GOSR1: variants seen among roughly 807,000 people sequenced by gnomAD.
The protein encoded by GOSR1 is golgi SNAP receptor complex member 1.
GOSR1 carries 21 observed loss-of-function variants against 35.5 expected under a neutral mutation model. That is an observed-to-expected ratio of 0.59 (90% CI 0.42 to 0.85). The LOEUF is 0.85. Ranked by LOEUF, GOSR1 falls within the 40% of genes least tolerant of loss-of-function variation. The pLI, the probability that GOSR1 is intolerant of heterozygous loss-of-function variation, is 0.00. For synonymous variants in GOSR1, 94 were observed against 106.6 expected (o/e 0.88, Z 0.73); for missense variants, 285 against 309.6 (o/e 0.92, Z 0.60).
intron 7 of GOSR1, among the ~76,000 whole-genome samples, chr17:30,513,708 T>C (rs979738340): frequency 1.3e-5 from 2 of 152,156 alleles, no homozygotes; most frequent in African/African-American, 4.8e-5. Flanking sequence ...CCTAACACTT[T>C]GGGAGGCTGA....
intron 4 of GOSR1, among the ~76,000 whole-genome samples, chr17:30,485,799 A>G (rs1467825467): frequency 6.6e-6 from 1 of 152,228 alleles, no homozygotes; most frequent in Non-Finnish European, 1.5e-5. Context: ...AGGCAGGTGG[A>G]TCACCTGAGG....
intron 6 of GOSR1, among the ~76,000 whole-genome samples, chr17:30,496,650 G>A (rs1317343981): frequency 6.6e-6 from 1 of 152,196 alleles, no homozygotes; most frequent in African/African-American, 2.4e-5. Flanking sequence ...TCCTTGACAT[G>A]CTTGTCTATA....
chr17:30,488,455 CG>C (rs1321981251), intron 4 of GOSR1, among the ~76,000 whole-genome samples: 2 of 151,410 alleles, frequency 1.3e-5, no homozygotes, highest in African/African-American at 4.9e-5. Flanking sequence ...TGAGCCACTG[CG>C]CCCAGCCTAA....
chr17:30,510,962 A>G, intron 7 of GOSR1, 53 bp downstream of exon 7: 2 of 1,047,068 alleles, frequency 1.9e-6, no homozygotes, highest in Non-Finnish European at 3.0e-6. Flanking sequence ...TTGCACGTAA[A>G]TTTAATGAAC....
Position 30,524,316 on chromosome 17 carries a change from C to T in GOSR1, c.*1938C>T, listed in dbSNP as rs971817874. 3.9e-5 allele frequency: 6 copies of T among 152,196 alleles called. No individual in the cohort carries two copies. Among genetic ancestry groups the T allele is most frequent in the Non-Finnish European group, 8.8e-5 (6 of 68,048 alleles). 9.4% of individuals were successfully genotyped at this position (152,196 alleles called of 1,614,324 possible). Reference sequence around the variant, plus strand: ...ATGATCTGTGCTATAGATTTCTACTCTGTCTCCTCAACTCTGTTGATATTT... The same window carrying T: ...ATGATCTGTGCTATAGATTTCTACTTTGTCTCCTCAACTCTGTTGATATTT... On this transcript the variant is annotated 3_prime_UTR_variant, in exon 9 of 9. Transcript: ENST00000451249.
Position 30,525,500 on chromosome 17 carries a change from A to G in GOSR1, c.*3122A>G, listed in dbSNP as rs1324545712. The G allele has an allele frequency of 6.6e-6, 1 of 151,968 alleles. No homozygotes were observed. Among genetic ancestry groups the G allele is most frequent in the Non-Finnish European group, 1.5e-5 (1 of 67,932 alleles). 9.4% of individuals were successfully genotyped at this position (151,968 alleles called of 1,614,324 possible). On this transcript the variant is annotated 3_prime_UTR_variant, in exon 9 of 9. Transcript: ENST00000451249. Reference sequence around the variant, plus strand: ...GAGAACAAAACTTTTCTCCCTTGACACTTTATTATCTTTGATTTTTCAAAG... The same window carrying G: ...GAGAACAAAACTTTTCTCCCTTGACGCTTTATTATCTTTGATTTTTCAAAG...
At chr17:30,497,286 A>AT (rs1169932632) in intron 6 of GOSR1, among the ~76,000 whole-genome samples, 1 of 151,888 alleles carries the variant, frequency 6.6e-6, no homozygotes, top group Non-Finnish European at 1.5e-5. Flanking sequence ...TCTAGGGTTA[A>AT]TTTTTTTTCA....
chr17:30,488,533 A>ATT (rs72485527), intron 4 of GOSR1, among the ~76,000 whole-genome samples: 9 of 131,422 alleles, frequency 6.8e-5, no homozygotes, highest in Admixed American at 7.7e-5. Flanking sequence ...TATTGGCAGT[A>ATT]TTTTTTTTTT....
chr17:30,482,613 G>C (rs571304321), intron 2 of GOSR1, among the ~76,000 whole-genome samples: 13 of 152,268 alleles, frequency 8.5e-5, no homozygotes, highest in Non-Finnish European at 8.8e-5. Flanking sequence ...TCTATCTCCA[G>C]AGCCCACACT....
chr17:30,522,216 C>T (rs1438439241), intron 8 of GOSR1, 38 bp from the exon 9 acceptor site: 1 of 1,555,658 alleles, frequency 6.4e-7, no homozygotes, highest in South Asian at 1.2e-5. Flanking sequence ...GCCAGAGAGG[C>T]TTCTTCCAAA....
intron 4 of GOSR1, among the ~76,000 whole-genome samples, chr17:30,486,631 T>C (rs946027216): frequency 1.3e-5 from 2 of 151,946 alleles, no homozygotes; most frequent in African/African-American, 2.4e-5. Flanking sequence ...GATAAAAAGT[T>C]AGAAACAATT....
At chr17:30,484,601 C>T (rs995095230) in intron 3 of GOSR1, 62 bp from the exon 4 acceptor site, 100 of 890,880 alleles carry the variant, frequency 1.1e-4, no homozygotes, top group Admixed American at 2.0e-4. Context: ...AAATAATTTG[C>T]TTTTAGCTGT....
intron 6 of GOSR1, among the ~76,000 whole-genome samples, chr17:30,510,150 T>C (rs965389234): frequency 6.6e-6 from 1 of 152,138 alleles, no homozygotes; most frequent in African/African-American, 2.4e-5. Flanking sequence ...TTCGGCTCAC[T>C]GCAACCTATG....
chr17:30,517,449 G>A (rs1967863458), intron 7 of GOSR1, among the ~76,000 whole-genome samples: 1 of 152,032 alleles, frequency 6.6e-6, no homozygotes, highest in Non-Finnish European at 1.5e-5. Flanking sequence ...TGCACATTCC[G>A]TAGCTTGCTT....
At chr17:30,491,510 T>C (rs538900778) in intron 5 of GOSR1, among the ~76,000 whole-genome samples, 1 of 152,080 alleles carries the variant, frequency 6.6e-6, no homozygotes, top group African/African-American at 2.4e-5. Context: ...AATAAAAAAA[T>C]TAGCTGGGCG....
chr17:30,502,090 A>ATAAT, intron 6 of GOSR1, among the ~76,000 whole-genome samples: 1 of 152,376 alleles, frequency 6.6e-6, no homozygotes, highest in Non-Finnish European at 1.5e-5. Context: ...GCATAAAAGC[A>ATAAT]GCCAGTCTGT....
Position 30,481,187 on chromosome 17 carries a change from A to C in GOSR1, c.76A>C (p.Lys26Gln). 6.3e-7 allele frequency: 1 copy of C among 1,599,460 alleles called. No individual in the cohort carries two copies. Among genetic ancestry groups the C allele is most frequent in the Non-Finnish European group, 8.6e-7 (1 of 1,166,598 alleles). The change falls in exon 2 of 9, where the codon AAA becomes CAA. Residue 26 changes from lysine (K) to glutamine (Q), a missense_variant. By Grantham distance (53) the Lys-to-Gln change is moderately conservative (BLOSUM62 1). This residue lies in a region of GOSR1 where 108 missense variants were observed against 98.9 expected (regional missense o/e 1.09). Transcript: ENST00000451249. ...ARQLENELDL[K>Q]LVSFSKLCTS... Reference sequence around the variant, plus strand: ...ACAGCTGGAAAATGAACTTGACCTGAAACTAGTTTCCTTCAGCAAACTATG... The same window carrying C: ...ACAGCTGGAAAATGAACTTGACCTGCAACTAGTTTCCTTCAGCAAACTATG...
intron 7 of GOSR1, among the ~76,000 whole-genome samples, chr17:30,516,621 A>G (rs954108712): frequency 6.6e-5 from 10 of 152,212 alleles, no homozygotes; most frequent in African/African-American, 1.2e-4. Context: ...TTGTTTCTGT[A>G]ATTATTAGAG....
Position 30,519,711 on chromosome 17 carries a change from G to A in GOSR1, c.540-228G>A, listed in dbSNP as rs955028583. 6 of 385,472 alleles carry A rather than the reference G, an allele frequency of 1.6e-5. No individual in the cohort carries two copies. In the East Asian group the frequency reaches 1.6e-4, roughly 11 times the overall value. The allele number at this position is 385,472 out of a possible 1,614,324, so 23.9% of individuals were successfully genotyped here. A position where few individuals can be genotyped will look rare whatever the true frequency, so the allele number is the denominator to read the frequency against. ...TGTTTGTTATTTTGAAGCAAACATA[G>A]GAAGTGGCTTACTGCCTTGTATAAA... On this transcript the variant is annotated intron_variant, in intron 7 of 8. Coordinates refer to ENST00000451249, the MANE Select transcript of GOSR1 (RefSeq NM_001007025.2).
Sources: allele counts gnomAD v4.1 joint callset (sites outside exome capture counted in the v4.1 genomes callset), GRCh38; gene constraint gnomAD v4.1.1; regional missense constraint gnomAD v4.1.1; transcripts MANE v1.5; gene names NCBI Gene and HGNC (gene_info 2026-07-23, HGNC 2026-07-21).